Variants in MYO9A observed in about 807,000 individuals in gnomAD.
The protein encoded by MYO9A is myosin IXA.
A neutral mutation model predicts 293.3 loss-of-function variants in MYO9A; 103 were observed. The ratio of observed to expected loss-of-function variants is 0.35; its 90% CI spans 0.30 to 0.41. MYO9A has a LOEUF of 0.41. Ranked by LOEUF, MYO9A falls within the 10% of genes least tolerant of loss-of-function variation. MYO9A has a pLI of 1.00. For missense variants in MYO9A, 2,685 were observed against 3,033.0 expected, an observed-to-expected ratio of 0.89 and a Z score of 2.69; for synonymous variants, 1,001 against 1,035.7, an observed-to-expected ratio of 0.97 and a Z score of 0.64.
At chr15:71,966,501 T>C (rs942361096) in intron 13 of MYO9A, among the ~76,000 whole-genome samples, 1 of 152,128 alleles carries the variant, frequency 6.6e-6, no homozygotes, top group Non-Finnish European at 1.5e-5. Flanking sequence ...TAAACTATAG[T>C]CTTAATTTCT....
chr15:71,995,286 G>T (rs1212395416), intron 9 of MYO9A, among the ~76,000 whole-genome samples: 2 of 152,194 alleles, frequency 1.3e-5, no homozygotes, highest in Admixed American at 1.3e-4. Context: ...ATTAATTTCT[G>T]TGGAATCCTA....
At chr15:71,964,896 A>G (rs543314282) in intron 13 of MYO9A, among the ~76,000 whole-genome samples, 17 of 152,150 alleles carry the variant, frequency 1.1e-4, no homozygotes, top group African/African-American at 3.9e-4. Flanking sequence ...TGGTGGTTGC[A>G]GTACGCCAAG....
At chr15:72,077,748 AAAAAATATATATAT>A (rs1449111772) in intron 1 of MYO9A, among the ~76,000 whole-genome samples, 7 of 32,824 alleles carry the variant, frequency 2.1e-4, no homozygotes, top group Admixed American at 7.0e-4. Flanking sequence ...AAAAAAAAAA[AAAAAATATATATAT>A]ATATATATAT....
At chr15:71,977,482 C>T (rs1044863360) in intron 12 of MYO9A, among the ~76,000 whole-genome samples, 4 of 152,280 alleles carry the variant, frequency 2.6e-5, no homozygotes, top group Admixed American at 2.6e-4. Flanking sequence ...AGTGCTCCTC[C>T]CGCCTTGGCA....
intron 39 of MYO9A, among the ~76,000 whole-genome samples, chr15:71,833,066 GAAGAA>G (rs534506184): frequency 2.0e-5 from 3 of 151,570 alleles, no homozygotes; most frequent in African/African-American, 4.8e-5. Context: ...AAAAGGCAAG[GAAGAA>G]AAGAAAAAGG....
At chr15:71,850,465 G>A (rs1374291907) in intron 37 of MYO9A, among the ~76,000 whole-genome samples, 10 of 152,136 alleles carry the variant, frequency 6.6e-5, no homozygotes, top group Non-Finnish European at 1.5e-5. Context: ...AGATGAACAT[G>A]TCCAAAGAAT....
chr15:71,930,092 A>G (rs1315892849), intron 18 of MYO9A, among the ~76,000 whole-genome samples: 1 of 152,180 alleles, frequency 6.6e-6, no homozygotes, highest in Non-Finnish European at 1.5e-5. Flanking sequence ...AAGAATTTCT[A>G]TTGCTGGCCA....
chr15:72,027,232 C>T (rs1182351674), intron 4 of MYO9A, among the ~76,000 whole-genome samples: 2 of 152,212 alleles, frequency 1.3e-5, no homozygotes, highest in African/African-American at 4.8e-5. Flanking sequence ...ATGCCCAAGG[C>T]ATACCCAATA....
At chr15:72,032,621 T>TAAA in intron 2 of MYO9A, 33 bp from the exon 3 acceptor site, 7 of 1,240,668 alleles carry the variant, frequency 5.6e-6, no homozygotes, top group South Asian at 3.1e-5. Flanking sequence ...TTAGTTTCAC[T>TAAA]AAAAAAAAAA....
intron 39 of MYO9A, among the ~76,000 whole-genome samples, chr15:71,840,635 T>TTTTG (rs1185031117): frequency 1.3e-5 from 2 of 150,832 alleles, no homozygotes; most frequent in Non-Finnish European, 2.9e-5. Flanking sequence ...GGCTTTCTTT[T>TTTTG]TTTGTTTTTT....
intron 9 of MYO9A, 126 bp from the exon 10 acceptor site, chr15:71,994,711 A>G: frequency 1.7e-6 from 1 of 581,400 alleles, no homozygotes; most frequent in Non-Finnish European, 3.0e-6. Context: ...TTTTCTCTCA[A>G]AATAAAAAAT....
intron 6 of MYO9A, among the ~76,000 whole-genome samples, chr15:72,017,010 CTTTTTTTTTTTTTTTT>C (rs61153023): frequency 5.2e-5 from 3 of 58,228 alleles, no homozygotes; most frequent in Middle Eastern, 0.021. Context: ...GAGCCCAAAT[CTTTTTTTTTTTTTTTT>C]TTTTTTTTTT....
chr15:71,901,831 G>A (rs747629111), intron 22 of MYO9A, among the ~76,000 whole-genome samples: 9 of 152,120 alleles, frequency 5.9e-5, no homozygotes, highest in Non-Finnish European at 8.8e-5. Flanking sequence ...TTTTTCAAGC[G>A]TGTTGGGATG....
intron 12 of MYO9A, among the ~76,000 whole-genome samples, chr15:71,973,784 T>C (rs547929226): frequency 6.6e-6 from 1 of 152,340 alleles, no homozygotes; most frequent in South Asian, 2.1e-4. Context: ...CCCTTCTACA[T>C]AGGTCCATGA....
chr15:71,995,237 G>A (rs1453777998), intron 9 of MYO9A, among the ~76,000 whole-genome samples: 2 of 152,202 alleles, frequency 1.3e-5, no homozygotes, highest in Non-Finnish European at 2.9e-5. Context: ...GTAGGTAAGA[G>A]TATTCTAGGC....
At chr15:71,867,080 A>G (rs1485041157) in intron 32 of MYO9A, among the ~76,000 whole-genome samples, 3 of 115,610 alleles carry the variant, frequency 2.6e-5, no homozygotes, top group African/African-American at 8.8e-5. Context: ...AACAAAACAC[A>G]CACACACACA....
At chr15:71,876,148 A>ATT (rs398039451) in intron 31 of MYO9A, among the ~76,000 whole-genome samples, 2,301 of 144,250 alleles carry the variant, frequency 0.016, 34 homozygotes, top group Non-Finnish European at 0.026. Context: ...TCATTAATTG[A>ATT]TTTTTTTTTT....
intron 15 of MYO9A, among the ~76,000 whole-genome samples, chr15:71,945,915 G>A (rs1465613266): frequency 6.6e-6 from 1 of 152,102 alleles, no homozygotes; most frequent in African/African-American, 2.4e-5. Flanking sequence ...CTATTCCTAG[G>A]CTACTAAAAG....
intron 13 of MYO9A, among the ~76,000 whole-genome samples, chr15:71,966,391 G>C (rs1416169965): frequency 6.6e-6 from 1 of 151,806 alleles, no homozygotes; most frequent in Non-Finnish European, 1.5e-5. Flanking sequence ...GAGGGGAGCT[G>C]GCTGGGAAGG....
Sources: gnomAD v4.1 joint callset for allele counts (sites outside exome capture counted in the v4.1 genomes callset) on GRCh38, gnomAD v4.1.1 for gene constraint, MANE v1.5 for transcripts, NCBI Gene and HGNC (gene_info 2026-07-23, HGNC 2026-07-21) for gene names.